CHST8: variants seen among roughly 807,000 people sequenced by gnomAD.
CHST8 encodes the protein carbohydrate sulfotransferase 8.
CHST8 carries 10 observed loss-of-function variants against 15.0 expected under a neutral mutation model. That is an observed-to-expected ratio of 0.67 (90% CI 0.41 to 1.13). The LOEUF (loss-of-function observed/expected upper bound fraction) is 1.13. Among genes scored for constraint, CHST8 ranks in the 50% most tolerant of loss-of-function variants. CHST8 has a pLI of 0.00. For synonymous variants in CHST8, 259 were observed against 256.6 expected (o/e 1.01, Z -0.09); for missense variants, 634 against 608.2 (o/e 1.04, Z -0.45).
Position 33,632,137 on chromosome 19 carries a change from C to CT in CHST8, c.-164+9842dup, listed in dbSNP as rs1186087732. ...TTTTTCTTTTCTTGTCTCTCTCTCT[C>CT]TCTTTTTTTTTTTTTTTTTCCAGAC... is the stretch of plus-strand genomic sequence containing the variant. On this transcript the variant is annotated intron_variant, in intron 1 of 4. Transcript: ENST00000650847. 7.0e-3 allele frequency among the ~76,000 whole-genome samples: 925 copies of CT among 132,804 alleles called. 5 individuals are homozygous for CT. The highest frequency in any genetic ancestry group is 9.9e-3 in the Non-Finnish European group (590 of 59,768). The allele number at this position is 132,804 out of a possible 152,430, so 87.1% of individuals were successfully genotyped here.
At chr19:33,683,893 A>G (rs1972931119) in intron 2 of CHST8, among the ~76,000 whole-genome samples, 1 of 152,218 alleles carries the variant, frequency 6.6e-6, no homozygotes, top group Non-Finnish European at 1.5e-5. Context: ...TCAGCATTCT[A>G]GACTCTGCCA....
intron 1 of CHST8, among the ~76,000 whole-genome samples, chr19:33,649,580 A>T (rs982347985): frequency 3.3e-5 from 5 of 152,190 alleles, no homozygotes; most frequent in African/African-American, 4.8e-5. Context: ...GGGGGTCTGG[A>T]CGCATACATA....
At chr19:33,655,017 T>C (rs907065377) in intron 1 of CHST8, among the ~76,000 whole-genome samples, 9 of 152,186 alleles carry the variant, frequency 5.9e-5, no homozygotes, top group African/African-American at 2.2e-4. Flanking sequence ...CCAGTGCTTC[T>C]TGAGGCTGAG....
chr19:33,709,555 C>T (rs777980896), intron 3 of CHST8, among the ~76,000 whole-genome samples: 5 of 151,698 alleles, frequency 3.3e-5, no homozygotes, highest in Non-Finnish European at 7.4e-5. Flanking sequence ...TGTGATAAAT[C>T]TCACTTGGTC....
intron 1 of CHST8, among the ~76,000 whole-genome samples, chr19:33,625,355 A>G (rs1232526652): frequency 6.7e-6 from 1 of 149,970 alleles, no homozygotes; most frequent in East Asian, 2.1e-4. Flanking sequence ...TGTTGGGATT[A>G]CAGGCGTGAG....
intron 1 of CHST8, among the ~76,000 whole-genome samples, chr19:33,625,867 A>AT (rs201761676): frequency 7.2e-4 from 109 of 150,410 alleles, no homozygotes; most frequent in African/African-American, 2.4e-3. Context: ...CTCAAAATAA[A>AT]TTTTTTTTTT....
chr19:33,661,782 G>A (rs1438617033), intron 1 of CHST8, among the ~76,000 whole-genome samples: 1 of 151,012 alleles, frequency 6.6e-6, no homozygotes, highest in Non-Finnish European at 1.5e-5. Context: ...TTTAATCCCA[G>A]CACTTTGGGA....
chr19:33,764,168 C>A (rs1974787703), intron 3 of CHST8, among the ~76,000 whole-genome samples: 1 of 152,252 alleles, frequency 6.6e-6, no homozygotes, highest in Non-Finnish European at 1.5e-5. Flanking sequence ...CCAGAAAGCA[C>A]CAGCCTTTCC....
chr19:33,727,965 A>G (rs546026126), intron 3 of CHST8, among the ~76,000 whole-genome samples: 2 of 152,322 alleles, frequency 1.3e-5, no homozygotes, highest in East Asian at 3.9e-4. Flanking sequence ...ACTCCCAAAG[A>G]GCAGGCTGCG....
intron 2 of CHST8, among the ~76,000 whole-genome samples, chr19:33,674,620 A>AGGCGGAGAGCG (rs765086283): frequency 2.5e-4 from 38 of 152,272 alleles, no homozygotes; most frequent in Non-Finnish European, 4.1e-4. Flanking sequence ...ATGCACCCTG[A>AGGCGGAGAGCG]GGCGGAGAGC....
intron 2 of CHST8, among the ~76,000 whole-genome samples, chr19:33,673,963 A>T (rs1972777178): frequency 6.6e-6 from 1 of 152,178 alleles, no homozygotes; most frequent in African/African-American, 2.4e-5. Flanking sequence ...CATGTTGGCC[A>T]GGCTGGTCCT....
chr19:33,678,030 G>A (rs142007103), intron 2 of CHST8, among the ~76,000 whole-genome samples: 3 of 152,306 alleles, frequency 2.0e-5, no homozygotes, highest in African/African-American at 7.2e-5. Context: ...CCGAGGGACT[G>A]GGAAAGAAAG....
At chr19:33,763,563 G>A (rs1008489020) in intron 3 of CHST8, among the ~76,000 whole-genome samples, 5 of 152,210 alleles carry the variant, frequency 3.3e-5, no homozygotes, top group African/African-American at 1.2e-4. Flanking sequence ...CTGTGACAGA[G>A]GCTGGTCTCC....
intron 1 of CHST8, among the ~76,000 whole-genome samples, chr19:33,630,976 G>A (rs1034104632): frequency 3.3e-5 from 5 of 152,174 alleles, no homozygotes; most frequent in African/African-American, 7.2e-5. Flanking sequence ...TGTTGGCCAC[G>A]TCCATCAGGC....
chr19:33,710,878 T>G (rs575749640), intron 3 of CHST8, among the ~76,000 whole-genome samples: 61 of 151,928 alleles, frequency 4.0e-4, no homozygotes, highest in African/African-American at 1.4e-3. Context: ...TGGAGTTTTT[T>G]TTTTTTTTTT....
At chr19:33,765,559 G>GTGTGTGTGTGTGTC (rs1202746538) in intron 3 of CHST8, among the ~76,000 whole-genome samples, 1 of 117,196 alleles carries the variant, frequency 8.5e-6, no homozygotes, top group Non-Finnish European at 1.9e-5. Flanking sequence ...GTGTGTCAGA[G>GTGTGTGTGTGTGTC]AGAGAGAGAG....
chr19:33,758,725 C>T (rs934488881), intron 3 of CHST8, among the ~76,000 whole-genome samples: 2 of 152,246 alleles, frequency 1.3e-5, no homozygotes, highest in African/African-American at 4.8e-5. Flanking sequence ...CACGTCTGCC[C>T]CTGGAGGGCC....
chr19:33,633,712 A>G (rs1327611088), intron 1 of CHST8, among the ~76,000 whole-genome samples: 1 of 150,304 alleles, frequency 6.7e-6, no homozygotes, highest in Non-Finnish European at 1.5e-5. Flanking sequence ...CACATTCCTG[A>G]TGTACTTAGA....
At chr19:33,725,724 G>A (rs949704181) in intron 3 of CHST8, among the ~76,000 whole-genome samples, 3 of 152,230 alleles carry the variant, frequency 2.0e-5, no homozygotes, top group Non-Finnish European at 4.4e-5. Flanking sequence ...GGGCTGCCAG[G>A]GTGAGCCAAG....
Sources: gnomAD v4.1 joint callset for allele counts (sites outside exome capture counted in the v4.1 genomes callset) on GRCh38, gnomAD v4.1.1 for gene constraint, MANE v1.5 for transcripts, NCBI Gene and HGNC (gene_info 2026-07-23, HGNC 2026-07-21) for gene names.